The following LRRC4C variants were observed in gnomAD, a reference collection of about 807,000 sequenced individuals.
LRRC4C encodes the protein leucine rich repeat containing 4C, also known as leucine-rich repeat-containing protein 4C.
Under a neutral mutation model 33.6 loss-of-function variants are expected in LRRC4C, and 5 were observed. That is an observed-to-expected ratio of 0.15 (90% confidence interval 0.08 to 0.31). LRRC4C has a LOEUF of 0.31. Ranked by LOEUF, LRRC4C falls within the 10% of genes least tolerant of loss-of-function variation. The pLI is 1.00. For synonymous variants in LRRC4C, 329 were observed against 302.0 expected (o/e 1.09, Z -0.93); for missense variants, 560 against 796.7 (o/e 0.70, Z 3.58).
At chr11:41,395,498 T>C (rs1037268468) in intron 1 of LRRC4C, among the ~76,000 whole-genome samples, 4 of 151,988 alleles carry the variant, frequency 2.6e-5, no homozygotes, top group Non-Finnish European at 4.4e-5. Flanking sequence ...TGCACCATAA[T>C]TGAATAATCA....
chr11:40,342,860 A>G (rs1350698261), intron 3 of LRRC4C, among the ~76,000 whole-genome samples: 2 of 152,088 alleles, frequency 1.3e-5, no homozygotes, highest in Non-Finnish European at 2.9e-5. Flanking sequence ...ATATCTATCT[A>G]TCTACCTACC....
intron 1 of LRRC4C, among the ~76,000 whole-genome samples, chr11:40,969,140 C>T (rs192285489): frequency 5.4e-4 from 82 of 152,148 alleles, no homozygotes; most frequent in African/African-American, 1.2e-3. Context: ...ATGACTTTGA[C>T]GGCTTCAAGA....
intron 1 of LRRC4C, among the ~76,000 whole-genome samples, chr11:41,314,167 T>C (rs1422632366): frequency 6.6e-6 from 1 of 152,120 alleles, no homozygotes; most frequent in Non-Finnish European, 1.5e-5. Context: ...ATACTTAAAA[T>C]ACACAATCAG....
intron 1 of LRRC4C, among the ~76,000 whole-genome samples, chr11:41,302,370 GAC>G (rs1950311813): frequency 6.6e-6 from 1 of 152,148 alleles, no homozygotes; most frequent in African/African-American, 2.4e-5. Context: ...AGTTGAGAGA[GAC>G]AGAACCTTTC....
intron 5 of LRRC4C, among the ~76,000 whole-genome samples, chr11:40,156,943 G>T (rs1185580958): frequency 1.3e-5 from 2 of 151,988 alleles, no homozygotes; most frequent in Non-Finnish European, 2.9e-5. Flanking sequence ...TCAAAAAAGA[G>T]CCCGTATAGC....
intron 5 of LRRC4C, among the ~76,000 whole-genome samples, chr11:40,222,135 TA>T (rs1864466010): frequency 6.6e-6 from 1 of 152,218 alleles, no homozygotes; most frequent in African/African-American, 2.4e-5. Flanking sequence ...AACTCCATTG[TA>T]TAGTAACAAA....
At chr11:40,802,344 T>TA (rs1198341413) in intron 2 of LRRC4C, among the ~76,000 whole-genome samples, 81 of 151,626 alleles carry the variant, frequency 5.3e-4, no homozygotes, top group African/African-American at 1.7e-3. Context: ...ATGGTAATTT[T>TA]AAAAAAAAAC....
chr11:40,422,852 A>C (rs944603848), intron 3 of LRRC4C, among the ~76,000 whole-genome samples: 1 of 152,186 alleles, frequency 6.6e-6, no homozygotes, highest in Non-Finnish European at 1.5e-5. Context: ...AGCTACTTGC[A>C]CTGGCTCATA....
intron 1 of LRRC4C, among the ~76,000 whole-genome samples, chr11:41,006,361 T>C (rs1854752869): frequency 6.6e-6 from 1 of 152,170 alleles, no homozygotes; most frequent in Non-Finnish European, 1.5e-5. Context: ...GCTGTCAGAG[T>C]TGCAGAGTCT....
chr11:41,355,919 C>A (rs180714621), intron 1 of LRRC4C, among the ~76,000 whole-genome samples: 120 of 152,010 alleles, frequency 7.9e-4, no homozygotes, highest in Non-Finnish European at 1.3e-3. Context: ...ATGAACACTA[C>A]CAACATTCAA....
intron 1 of LRRC4C, among the ~76,000 whole-genome samples, chr11:41,034,630 T>C (rs1175169079): frequency 1.4e-5 from 2 of 142,432 alleles, no homozygotes; most frequent in Non-Finnish European, 3.0e-5. Context: ...TATATATATA[T>C]ATATATATGA....
At chr11:40,971,121 T>C (rs903973941) in intron 1 of LRRC4C, among the ~76,000 whole-genome samples, 1 of 152,226 alleles carries the variant, frequency 6.6e-6, no homozygotes, top group Non-Finnish European at 1.5e-5. Context: ...GAATTCAAGA[T>C]GGCTTCAGAA....
intron 2 of LRRC4C, among the ~76,000 whole-genome samples, chr11:40,655,551 C>A (rs1338726486): frequency 1.3e-5 from 2 of 152,080 alleles, no homozygotes; most frequent in African/African-American, 4.8e-5. Flanking sequence ...GTTTTGCAAA[C>A]CACTTTGCTA....
intron 3 of LRRC4C, among the ~76,000 whole-genome samples, chr11:40,463,219 G>T (rs1448985468): frequency 6.6e-6 from 1 of 151,746 alleles, no homozygotes; most frequent in African/African-American, 2.4e-5. Flanking sequence ...AGTATTAGAG[G>T]CATAGAAGTA....
At chr11:41,275,580 T>A (rs1949457713) in intron 1 of LRRC4C, among the ~76,000 whole-genome samples, 1 of 152,206 alleles carries the variant, frequency 6.6e-6, no homozygotes, top group South Asian at 2.1e-4. Flanking sequence ...TATGTCAAGA[T>A]AGCATAAATT....
At chr11:40,617,823 A>T (rs1962017080) in intron 3 of LRRC4C, among the ~76,000 whole-genome samples, 1 of 151,732 alleles carries the variant, frequency 6.6e-6, no homozygotes, top group Non-Finnish European at 1.5e-5. Context: ...TTTCACAGTC[A>T]TAAGTGTCCA....
At chr11:40,557,875 T>C (rs959145117) in intron 3 of LRRC4C, among the ~76,000 whole-genome samples, 2 of 152,156 alleles carry the variant, frequency 1.3e-5, no homozygotes, top group African/African-American at 4.8e-5. Context: ...TGATGAGCCA[T>C]TTTATCCTAA....
intron 2 of LRRC4C, among the ~76,000 whole-genome samples, chr11:40,676,630 C>T (rs1944418456): frequency 6.6e-6 from 1 of 152,172 alleles, no homozygotes; most frequent in Non-Finnish European, 1.5e-5. Context: ...AATTTGTCAG[C>T]ATTATAAGAT....
chr11:40,181,879 C>T (rs1861035387), intron 5 of LRRC4C, among the ~76,000 whole-genome samples: 1 of 152,200 alleles, frequency 6.6e-6, no homozygotes, highest in Admixed American at 6.5e-5. Flanking sequence ...AGAGTCTGCT[C>T]TTCCCTTTGG....
Sources: allele counts gnomAD v4.1 joint callset (sites outside exome capture counted in the v4.1 genomes callset), GRCh38; gene constraint gnomAD v4.1.1; transcripts MANE v1.5; gene names NCBI Gene and HGNC (gene_info 2026-07-23, HGNC 2026-07-21).